ATG7: variants seen among roughly 807,000 people sequenced by gnomAD.
The protein encoded by ATG7 is ubiquitin-like modifier-activating enzyme ATG7.
In ATG7, 70 loss-of-function variants were observed where a neutral mutation model predicts 82.4. That is an observed-to-expected ratio of 0.85 (90% CI 0.70 to 1.04). The LOEUF (loss-of-function observed/expected upper bound fraction) is 1.04. Ranked by LOEUF, ATG7 falls within the 50% of genes least tolerant of loss-of-function variation. The pLI is 0.00. For synonymous variants in ATG7, 287 were observed against 313.0 expected, an observed-to-expected ratio of 0.92 and a Z score of 0.88; for missense variants, 792 against 864.3, an observed-to-expected ratio of 0.92 and a Z score of 1.05.
chr3:11,438,837 C>T (rs1261356512), intron 20 of ATG7, among the ~76,000 whole-genome samples: 1 of 152,110 alleles, frequency 6.6e-6, no homozygotes, highest in African/African-American at 2.4e-5. Context: ...GCTGCTGAGC[C>T]TAACTTCCTG....
chr3:11,290,471 C>T (rs1037078756), intron 3 of ATG7: 12 of 286,924 alleles, frequency 4.2e-5, no homozygotes, highest in Middle Eastern at 1.3e-3. Context: ...TCTCTTCCAC[C>T]TGTTTCTGCA....
chr3:11,485,598 A>G (rs529508539), intron 20 of ATG7, among the ~76,000 whole-genome samples: 2 of 152,296 alleles, frequency 1.3e-5, no homozygotes, highest in South Asian at 4.1e-4. Context: ...TTGGTGTTTT[A>G]GACATGAAGT....
At chr3:11,566,661 C>T in the ATG7 span, among the ~76,000 whole-genome samples, 1 of 152,170 alleles carries the variant, frequency 6.6e-6, no homozygotes, top group African/African-American at 2.4e-5. Flanking sequence ...GCTGTGTACA[C>T]GCGGTGCCGC....
chr3:11,565,147 G>A, the ATG7 span: 5 of 950,444 alleles, frequency 5.3e-6, no homozygotes, highest in Non-Finnish European at 7.1e-6. This position sits in a 1 kb window ranked among gnomAD's most constrained non-coding sequence, Gnocchi z 4.1. Context: ...TGGCTGGGCA[G>A]CACGATGAGG....
chr3:11,400,673 A>T (rs1197868576), intron 19 of ATG7, among the ~76,000 whole-genome samples: 3 of 152,106 alleles, frequency 2.0e-5, no homozygotes, highest in East Asian at 1.9e-4. Flanking sequence ...CAGTTAGTTT[A>T]TGAGAATAAC....
At chr3:11,356,319 C>T (rs772494235) in intron 14 of ATG7, among the ~76,000 whole-genome samples, 28 of 152,328 alleles carry the variant, frequency 1.8e-4, no homozygotes, top group Non-Finnish European at 1.9e-4. Flanking sequence ...AACTTGGCTA[C>T]ACCTTTGAAT....
At chr3:11,358,751 C>T (rs2076095540) in intron 15 of ATG7, 139 bp downstream of exon 15, 1 of 851,338 alleles carries the variant, frequency 1.2e-6, no homozygotes, top group African/African-American at 1.7e-5. Context: ...GCTTCTGCTT[C>T]AGACTCTGTC....
intron 9 of ATG7, among the ~76,000 whole-genome samples, chr3:11,320,038 C>T (rs1201121221): frequency 2.0e-5 from 3 of 152,228 alleles, no homozygotes; most frequent in Non-Finnish European, 2.9e-5. Context: ...ATACGGCCTA[C>T]AAGAGTCTGT....
At chr3:11,337,497 T>C (rs1952730855) in intron 11 of ATG7, among the ~76,000 whole-genome samples, 1 of 151,806 alleles carries the variant, frequency 6.6e-6, no homozygotes, top group South Asian at 2.1e-4. Context: ...TCTATATATA[T>C]ATATATAATT....
At chr3:11,380,214 T>C (rs184241010) in intron 19 of ATG7, among the ~76,000 whole-genome samples, 162 bp downstream of exon 19, 17 of 152,352 alleles carry the variant, frequency 1.1e-4, no homozygotes, top group Admixed American at 7.8e-4. Context: ...TGGATCTGTA[T>C]TCATTCTCAC....
rs1948722081 is a variant in ATG7 at position 11,311,817 on chromosome 3, A to AT, written c.412-1481dup. Among the ~76,000 whole-genome samples the AT allele has an allele frequency of 2.0e-5, 3 of 151,638 alleles. No homozygotes were observed. The Admixed American group carries it at 2.0e-4, about 10-fold the overall frequency. ...TTCATTTTGCCATTGTGAAGAGGGA[A>AT]TTTTTTCTTAGTTGATCAATGAATA... On this transcript the variant is annotated intron_variant, in intron 7 of 20. Transcript: ENST00000693202.
intron 19 of ATG7, among the ~76,000 whole-genome samples, chr3:11,408,594 C>T (rs1181191612): frequency 6.6e-6 from 1 of 152,164 alleles, no homozygotes; most frequent in Non-Finnish European, 1.5e-5. Context: ...TACAGTTCCA[C>T]ATGGTTGGGG....
chr3:11,275,128 C>G (rs1401624953), intron 1 of ATG7, among the ~76,000 whole-genome samples: 1 of 151,996 alleles, frequency 6.6e-6, no homozygotes, highest in Non-Finnish European at 1.5e-5. Context: ...GACTTGGTAA[C>G]TGATAGGATG....
At chr3:11,448,581 C>T (rs777488683) in intron 20 of ATG7, among the ~76,000 whole-genome samples, 12 of 152,202 alleles carry the variant, frequency 7.9e-5, no homozygotes, top group Non-Finnish European at 1.8e-4. Context: ...CAATACAGGC[C>T]TTGCACAAAT....
chr3:11,440,359 C>T (rs1378006767), intron 20 of ATG7, among the ~76,000 whole-genome samples: 16 of 127,364 alleles, frequency 1.3e-4, no homozygotes, highest in Non-Finnish European at 1.4e-4. Context: ...GAGTCTCGCT[C>T]TGTCGCCCAG....
At chr3:11,493,871 A>G (rs1428940946) in intron 20 of ATG7, among the ~76,000 whole-genome samples, 3 of 152,226 alleles carry the variant, frequency 2.0e-5, no homozygotes, top group Non-Finnish European at 4.4e-5. Flanking sequence ...ACCCATGCCT[A>G]GAGGACTGAC....
Position 11,463,153 on chromosome 3 carries a change from G to A in ATG7, c.2079+36227G>A, listed in dbSNP as rs140554346. 8.9e-3 allele frequency among the ~76,000 whole-genome samples: 1,360 copies of A among 152,112 alleles called. 28 individuals carry two copies. The highest frequency in any genetic ancestry group is 0.031 in the African/African-American group (1,287 of 41,480). ...GCCCTCCTCCGCCTCCCAAAGTGCT[G>A]GGATTACAGGCGTGAGCCACCATGC... On this transcript the variant is annotated intron_variant, in intron 20 of 20. Transcript: ENST00000693202.
At chr3:11,395,380 A>C (rs1299930225) in intron 19 of ATG7, among the ~76,000 whole-genome samples, 1 of 152,234 alleles carries the variant, frequency 6.6e-6, no homozygotes, top group Non-Finnish European at 1.5e-5. Flanking sequence ...TGAAGCCTCA[A>C]ATCCAAGAAG....
rs113388410 is a variant in ATG7 at position 11,315,148 on chromosome 3, C to T, written c.529-196C>T. Among the ~76,000 whole-genome samples, 9 of 152,236 alleles carry T rather than the reference C, an allele frequency of 5.9e-5. No homozygotes were observed. The South Asian group carries it at 8.3e-4, about 14-fold the overall frequency. On this transcript the variant is annotated intron_variant, in intron 8 of 20. Coordinates refer to ENST00000693202, the MANE Select transcript of ATG7 (RefSeq NM_001349232.2). ...CCCTAAGACACACACCACCATGCCCCTGGAAAGTGTTATATAAAAGCTAAG... is the reference window on the plus strand; with the variant it reads ...CCCTAAGACACACACCACCATGCCCTTGGAAAGTGTTATATAAAAGCTAAG...
Sources: gnomAD v4.1 joint callset for allele counts (sites outside exome capture counted in the v4.1 genomes callset) on GRCh38, gnomAD v4.1.1 for gene constraint, Gnocchi (gnomAD v3.1) non-coding constraint, MANE v1.5 for transcripts, NCBI Gene and HGNC (gene_info 2026-07-23, HGNC 2026-07-21) for gene names.